The following CHSY1 variants were observed in gnomAD, a reference collection of about 807,000 sequenced individuals.
CHSY1 encodes N-acetylgalactosaminyl-proteoglycan 3-beta-glucuronosyltransferase 1.
Under a neutral mutation model 59.8 loss-of-function variants are expected in CHSY1, and 13 were observed. That is an observed-to-expected ratio of 0.22 (90% CI 0.14 to 0.35). The LOEUF is 0.35. CHSY1 is among the 10% of genes least tolerant of loss of function. The pLI is 1.00. For synonymous variants in CHSY1, 459 were observed against 401.2 expected, an observed-to-expected ratio of 1.14 and a Z score of -1.72; for missense variants, 947 against 1,030.6, an observed-to-expected ratio of 0.92 and a Z score of 1.11.
At chr15:101,238,997 G>A (rs1205719449) in intron 1 of CHSY1, among the ~76,000 whole-genome samples, 1 of 152,124 alleles carries the variant, frequency 6.6e-6, no homozygotes, top group Non-Finnish European at 1.5e-5. Context: ...CATATGGAGG[G>A]GAGATAACTT....
Position 101,177,499 on chromosome 15 carries a change from G to A in CHSY1, c.2298C>T (p.Ser766=). The A allele has an allele frequency of 6.2e-7, 1 of 1,613,206 alleles. No individual in the cohort carries two copies. Among genetic ancestry groups the A allele is most frequent in the Non-Finnish European group, 8.5e-7 (1 of 1,179,286 alleles). Residue 766 remains serine, a synonymous_variant, in exon 3 of 3, where the codon TCC becomes TCT. Transcript: ENST00000254190. Reference sequence around the variant, plus strand: ...GGGTGGACCCATAGGTCGATGCTTTGGACCCCAAGCACATTTTGTACTGTT... The same window carrying A: ...GGGTGGACCCATAGGTCGATGCTTTAGACCCCAAGCACATTTTGTACTGTT... ...DPKQYKMCLG[S]KASTYGSTQQ...
chr15:101,239,321 T>C (rs190247834), intron 1 of CHSY1, among the ~76,000 whole-genome samples: 2 of 152,284 alleles, frequency 1.3e-5, no homozygotes, highest in Admixed American at 1.3e-4. Flanking sequence ...GCCATGAAAA[T>C]ACTAAAACAC....
chr15:101,221,155 T>C (rs1311084297), intron 2 of CHSY1, among the ~76,000 whole-genome samples: 1 of 152,176 alleles, frequency 6.6e-6, no homozygotes, highest in African/African-American at 2.4e-5. Context: ...CCTATGCCTA[T>C]AGCAGGGCCT....
At position 101,178,206 on chromosome 15, in the gene CHSY1, C is replaced by A; in HGVS notation, c.1591G>T (p.Asp531Tyr). The change falls in exon 3 of 3, where the codon GAT becomes TAT. Residue 531 changes from aspartate (D) to tyrosine (Y), a missense_variant. Asp to Tyr is a radical substitution (Grantham distance 160). Transcript: ENST00000254190. ...GSKSEHKEPK[D>Y]KKINILIPLS... ...GGAATCAGTATGTTTATCTTTTTAT[C>A]TTTGGGTTCTTTGTGCTCACTCTTC... 1 of 1,614,222 alleles carries A rather than the reference C, an allele frequency of 6.2e-7. No individual in the cohort carries two copies. Among genetic ancestry groups the A allele is most frequent in the African/African-American group, 1.3e-5 (1 of 75,062 alleles).
chr15:101,184,449 C>T (rs2038326130), intron 2 of CHSY1, among the ~76,000 whole-genome samples: 1 of 150,778 alleles, frequency 6.6e-6, no homozygotes, highest in South Asian at 2.1e-4. Flanking sequence ...GGTGTGATCT[C>T]AGCTCACTGC....
chr15:101,181,687 T>C (rs12593811), intron 2 of CHSY1, among the ~76,000 whole-genome samples: 2,722 of 152,300 alleles, frequency 0.018, 41 homozygotes, highest in East Asian at 0.1. Context: ...CACAGAGGTA[T>C]TCTTAGAACA....
chr15:101,205,916 C>T (rs1346780745), intron 2 of CHSY1, among the ~76,000 whole-genome samples: 2 of 151,730 alleles, frequency 1.3e-5, no homozygotes, highest in Admixed American at 1.3e-4. Flanking sequence ...AGCGCCACTA[C>T]ACTCCAGCCT....
At chr15:101,207,044 A>G (rs1464277374) in intron 2 of CHSY1, among the ~76,000 whole-genome samples, 1 of 152,248 alleles carries the variant, frequency 6.6e-6, no homozygotes, top group East Asian at 1.9e-4. Flanking sequence ...ACAAGACCAA[A>G]CAAAACAAAG....
chr15:101,233,255 C>T (rs2038908456), intron 2 of CHSY1, among the ~76,000 whole-genome samples: 1 of 152,212 alleles, frequency 6.6e-6, no homozygotes, highest in Admixed American at 6.5e-5. Flanking sequence ...TAACGCTAAA[C>T]CCAAGTTCTT....
At position 101,178,533 on chromosome 15, in the gene CHSY1, T is replaced by C; in HGVS notation, c.1264A>G (p.Thr422Ala). 1 of 1,614,242 alleles carries C rather than the reference T, an allele frequency of 6.2e-7. No homozygotes were observed. The highest frequency in any genetic ancestry group is 1.7e-5 in the Admixed American group (1 of 60,028). The change falls in exon 3 of 3, where the codon ACC (threonine) becomes GCC (alanine). Residue 422 changes from threonine to alanine, a missense_variant. This residue lies in a region of CHSY1 where 602 missense variants were observed against 676.9 expected (regional missense o/e 0.89). Transcript: ENST00000254190. ...VMEMINANAK[T>A]RGRIIDFKEI... ...TTGAAGTCAATGATGCGCCCTCTGG[T>C]CTTGGCGTTGGCATTGATCATCTCC...
chr15:101,249,445 T>C (rs2039084392), intron 1 of CHSY1, among the ~76,000 whole-genome samples: 1 of 151,140 alleles, frequency 6.6e-6, no homozygotes, highest in African/African-American at 2.4e-5. Context: ...GGAGAGATCC[T>C]GATAGGCTGG....
chr15:101,235,590 T>C lies in CHSY1; in HGVS notation c.321-13A>G, dbSNP rs771156870. On this transcript the variant is annotated splice_polypyrimidine_tract_variant and intron_variant, in intron 1 of 2. Coordinates refer to ENST00000254190, the MANE Select transcript of CHSY1 (RefSeq NM_014918.5). Reference sequence around the variant, plus strand: ...CTTGGACCATGTTCTGGAATTAAAATAAATATCAGTTAGAGAACAGTTTAT... The same window carrying C: ...CTTGGACCATGTTCTGGAATTAAAACAAATATCAGTTAGAGAACAGTTTAT... 31 of 1,603,872 alleles carry C rather than the reference T, an allele frequency of 1.9e-5. No individual in the cohort carries two copies. Among genetic ancestry groups the C allele is most frequent in the Non-Finnish European group, 2.5e-5 (30 of 1,179,700 alleles).
chr15:101,184,291 G>C (rs778349481), intron 2 of CHSY1, among the ~76,000 whole-genome samples: 14 of 152,178 alleles, frequency 9.2e-5, no homozygotes, highest in Admixed American at 7.2e-4. Flanking sequence ...CTGTAAAACA[G>C]ACTGAGGGTT....
At chr15:101,200,045 A>T (rs2038555974) in intron 2 of CHSY1, among the ~76,000 whole-genome samples, 1 of 152,186 alleles carries the variant, frequency 6.6e-6, no homozygotes, top group African/African-American at 2.4e-5. Flanking sequence ...TTTTGTGAAT[A>T]CTCACTATAT....
intron 1 of CHSY1, among the ~76,000 whole-genome samples, chr15:101,246,356 C>CTTTTT (rs56741361): frequency 2.5e-5 from 2 of 80,994 alleles, no homozygotes; most frequent in African/African-American, 3.0e-5. Flanking sequence ...ATACGTGTGG[C>CTTTTT]TTTTTTTTTT....
chr15:101,187,305 A>G (rs2038383272), intron 2 of CHSY1, among the ~76,000 whole-genome samples: 1 of 152,064 alleles, frequency 6.6e-6, no homozygotes, highest in African/African-American at 2.4e-5. Context: ...GTGGTGAAAC[A>G]CTGTTTCTAT....
intron 2 of CHSY1, among the ~76,000 whole-genome samples, chr15:101,183,808 A>T (rs2038313729): frequency 6.6e-6 from 1 of 152,324 alleles, no homozygotes; most frequent in Admixed American, 6.5e-5. Context: ...GAGGTCTTTA[A>T]ACAGAGCAAG....
chr15:101,226,045 C>T (rs2038838870), intron 2 of CHSY1, among the ~76,000 whole-genome samples: 2 of 152,220 alleles, frequency 1.3e-5, no homozygotes, highest in African/African-American at 4.8e-5. Context: ...AAAATAATCA[C>T]AGATCCAAAG....
rs200184709 is a variant in CHSY1 at position 101,223,125 on chromosome 15, C to A, written c.816+11957G>T. On this transcript the variant is annotated intron_variant, in intron 2 of 2. Coordinates refer to ENST00000254190, the MANE Select transcript of CHSY1 (RefSeq NM_014918.5). ...TTTCCTGCCTCAGCCTCCCGAGCAGCTGGGATTACAGGCACCCACCACCAC... is the reference window on the plus strand; with the variant it reads ...TTTCCTGCCTCAGCCTCCCGAGCAGATGGGATTACAGGCACCCACCACCAC... Among the ~76,000 whole-genome samples the A allele has an allele frequency of 4.6e-5, 7 of 152,350 alleles. No individual in the cohort carries two copies. The East Asian group carries it at 1.3e-3, about 29-fold the overall frequency.
Sources: allele counts gnomAD v4.1 joint callset (sites outside exome capture counted in the v4.1 genomes callset), GRCh38; gene constraint gnomAD v4.1.1; regional missense constraint gnomAD v4.1.1; transcripts MANE v1.5; gene names NCBI Gene and HGNC (gene_info 2026-07-23, HGNC 2026-07-21).